Variants in FA2H observed in about 807,000 individuals in gnomAD.
FA2H encodes fatty acid 2-hydroxylase.
FA2H carries 22 observed loss-of-function variants against 44.9 expected under a neutral mutation model. That is an observed-to-expected ratio of 0.49 (90% CI 0.35 to 0.70). The LOEUF is 0.70. Among genes scored for constraint, FA2H ranks in the 30% least tolerant of loss-of-function variants. The pLI is 0.01. For missense variants in FA2H, 501 were observed against 504.9 expected (o/e 0.99, Z 0.07); for synonymous variants, 243 against 213.2 (o/e 1.14, Z -1.22).
chr16:74,718,863 G>A (rs749287028), intron 5 of FA2H, 125 bp downstream of exon 5: 41 of 1,156,288 alleles, frequency 3.5e-5, no homozygotes, highest in Non-Finnish European at 4.7e-5. Flanking sequence ...CACATCAAAC[G>A]TCCCGTCCCT....
Position 74,774,796 on chromosome 16 carries a change from C to A in FA2H, c.-41G>T. On this transcript the variant is annotated 5_prime_UTR_variant, in exon 1 of 7. Coordinates refer to ENST00000219368, the MANE Select transcript of FA2H (RefSeq NM_024306.5). ...CTCCCAGCGCGCAGCCCGGCGTCTG[C>A]TCTGCTGCCACCCTGAGCGCCTCTA... 1 of 1,271,168 alleles carries A rather than the reference C, an allele frequency of 7.9e-7. No homozygotes were observed. Among genetic ancestry groups the A allele is most frequent in the Non-Finnish European group, 9.9e-7 (1 of 1,014,160 alleles). The allele number at this position is 1,271,168 out of a possible 1,614,324, so 78.7% of individuals were successfully genotyped here. A position where few individuals can be genotyped will look rare whatever the true frequency, so the allele number is the denominator to read the frequency against.
At chr16:74,718,751 G>A (rs553729485) in intron 5 of FA2H, among the ~76,000 whole-genome samples, 2 of 152,354 alleles carry the variant, frequency 1.3e-5, no homozygotes, top group South Asian at 2.1e-4. Flanking sequence ...AAGGTGATGC[G>A]TAAACAAGGG....
At chr16:74,727,430 C>A in intron 2 of FA2H, 44 bp from the exon 3 acceptor site, 1 of 1,602,622 alleles carries the variant, frequency 6.2e-7, no homozygotes, top group Non-Finnish European at 8.5e-7. Context: ...TTCACGTCTT[C>A]CCATATTCGT....
intron 2 of FA2H, among the ~76,000 whole-genome samples, chr16:74,739,378 C>G (rs999210239): frequency 2.0e-5 from 3 of 152,168 alleles, no homozygotes; most frequent in African/African-American, 7.2e-5. Flanking sequence ...TCCAGTGACC[C>G]CTCCAGGCAA....
chr16:74,734,346 A>G (rs1006830616), intron 2 of FA2H, among the ~76,000 whole-genome samples: 1 of 152,284 alleles, frequency 6.6e-6, no homozygotes, highest in Non-Finnish European at 1.5e-5. Context: ...CATGGGCGAC[A>G]GCACGGTTAT....
chr16:74,764,651 T>C (rs918496702), intron 1 of FA2H, among the ~76,000 whole-genome samples: 1 of 151,636 alleles, frequency 6.6e-6, no homozygotes, highest in Non-Finnish European at 1.5e-5. Context: ...GACAAAATAA[T>C]CTGTACTACA....
chr16:74,756,812 A>G (rs921319293), intron 1 of FA2H, among the ~76,000 whole-genome samples: 1 of 152,170 alleles, frequency 6.6e-6, no homozygotes, highest in Admixed American at 6.5e-5. Context: ...AAAAATATAA[A>G]CCTAAAATAA....
chr16:74,770,926 C>A (rs1368531411), intron 1 of FA2H, among the ~76,000 whole-genome samples: 1 of 152,222 alleles, frequency 6.6e-6, no homozygotes, highest in African/African-American at 2.4e-5. Context: ...ACATGTGAGA[C>A]TGGGTCCCTG....
chr16:74,750,764 TG>T lies in FA2H; in HGVS notation c.271-10650del, dbSNP rs1962512521. 3.3e-5 allele frequency among the ~76,000 whole-genome samples: 3 copies of T among 91,534 alleles called. No homozygotes were observed. The South Asian group carries it at 1.6e-3, about 48-fold the overall frequency. The allele number at this position is 91,534 out of a possible 152,430, so 60.0% of individuals were successfully genotyped here. ...GCCTATGTCCTCTTTTTTTTCACTG[TG>T]TGTGTGTGTGTGTGTGTGTGTGTGT... On this transcript the variant is annotated intron_variant, in intron 1 of 6. Transcript: ENST00000219368.
At chr16:74,771,483 C>T (rs1014528460) in intron 1 of FA2H, among the ~76,000 whole-genome samples, 4 of 151,968 alleles carry the variant, frequency 2.6e-5, no homozygotes, top group Non-Finnish European at 5.9e-5. Flanking sequence ...ACACCCAGTG[C>T]ACAACCACAC....
intron 1 of FA2H, among the ~76,000 whole-genome samples, chr16:74,773,942 C>A (rs778256113): frequency 3.9e-5 from 6 of 152,154 alleles, no homozygotes; most frequent in Non-Finnish European, 7.4e-5. Flanking sequence ...ACACAGTCCA[C>A]CCCAGACATG....
chr16:74,725,059 C>A (rs770265856), intron 4 of FA2H, among the ~76,000 whole-genome samples: 1 of 152,196 alleles, frequency 6.6e-6, no homozygotes, highest in Non-Finnish European at 1.5e-5. Context: ...CAACAAGCTC[C>A]GTGCTGTGCC....
At chr16:74,740,438 G>A (rs1468620080) in intron 1 of FA2H, among the ~76,000 whole-genome samples, 1 of 151,794 alleles carries the variant, frequency 6.6e-6, no homozygotes, top group East Asian at 1.9e-4. Flanking sequence ...CCAACATGGT[G>A]AAAACCTGTC....
chr16:74,725,208 G>C, intron 4 of FA2H, among the ~76,000 whole-genome samples: 1 of 152,214 alleles, frequency 6.6e-6, no homozygotes, highest in East Asian at 1.9e-4. Flanking sequence ...CCTGGGTCAG[G>C]TGGATAAATG....
chr16:74,728,655 A>G (rs774085320), intron 2 of FA2H, among the ~76,000 whole-genome samples: 21 of 151,006 alleles, frequency 1.4e-4, no homozygotes, highest in Non-Finnish European at 1.9e-4. Context: ...CTCCAAGGCA[A>G]GGATGTACGT....
chr16:74,742,803 C>T (rs1472920760), intron 1 of FA2H, among the ~76,000 whole-genome samples: 3 of 152,096 alleles, frequency 2.0e-5, no homozygotes, highest in Non-Finnish European at 2.9e-5. Flanking sequence ...TGTGCCACAG[C>T]ACTCCAGCCT....
chr16:74,730,503 G>C (rs1223610345), intron 2 of FA2H, among the ~76,000 whole-genome samples: 1 of 152,106 alleles, frequency 6.6e-6, no homozygotes, highest in African/African-American at 2.4e-5. Flanking sequence ...TTGGAAGTGT[G>C]CTGTCTCATT....
intron 1 of FA2H, among the ~76,000 whole-genome samples, chr16:74,753,981 G>A (rs1962572342): frequency 1.3e-5 from 2 of 151,650 alleles, no homozygotes; most frequent in South Asian, 4.1e-4. Flanking sequence ...CTTTTCACAT[G>A]AGTCTTCGAC....
At chr16:74,773,735 C>T (rs1302415213) in intron 1 of FA2H, among the ~76,000 whole-genome samples, 1 of 152,204 alleles carries the variant, frequency 6.6e-6, no homozygotes, top group East Asian at 1.9e-4. Flanking sequence ...ACAAAACCTG[C>T]CCCAGGTTGA....
Sources: gnomAD v4.1 joint callset for allele counts (sites outside exome capture counted in the v4.1 genomes callset) on GRCh38, gnomAD v4.1.1 for gene constraint, MANE v1.5 for transcripts, NCBI Gene and HGNC (gene_info 2026-07-23, HGNC 2026-07-21) for gene names.